The following ZSCAN25 variants were observed in gnomAD, a reference collection of about 807,000 sequenced individuals.
ZSCAN25 encodes zinc finger and SCAN domain-containing protein 25.
A neutral mutation model predicts 38.7 loss-of-function variants in ZSCAN25; 27 were observed. The observed-to-expected ratio is 0.70, with a 90% CI of 0.51 to 0.96. The LOEUF (loss-of-function observed/expected upper bound fraction) is 0.96, where lower values mean the gene tolerates loss of function less well. ZSCAN25 is among the 40% of genes least tolerant of loss of function. ZSCAN25 has a pLI of 0.00. For synonymous variants in ZSCAN25, 273 were observed against 277.7 expected, an observed-to-expected ratio of 0.98 and a Z score of 0.17; for missense variants, 637 against 705.9, an observed-to-expected ratio of 0.90 and a Z score of 1.11.
chr7:99,652,470 G>T, the ZSCAN25 span: 2 of 825,752 alleles, frequency 2.4e-6, no homozygotes, highest in Non-Finnish European at 3.8e-6. Context: ...ACAACCACAC[G>T]ATTGTCATGT....
Position 99,630,610 on chromosome 7 carries a change from C to T in ZSCAN25, c.*590C>T. ...CTGTGTGCCCGTGAGAACATCTTCC[C>T]ATGACCACTCCTGCCCTCCTGCCCC... On this transcript the variant is annotated 3_prime_UTR_variant, in exon 8 of 8. Coordinates refer to ENST00000394152, the MANE Select transcript of ZSCAN25 (RefSeq NM_145115.3). 1.0e-6 allele frequency: 1 copy of T among 986,248 alleles called. No homozygotes were observed. Among genetic ancestry groups the T allele is most frequent in the Non-Finnish European group, 1.2e-6 (1 of 830,626 alleles). The allele number at this position is 986,248 out of a possible 1,614,324, so 61.1% of individuals were successfully genotyped here. A position where few individuals can be genotyped will look rare whatever the true frequency, so the allele number is the denominator to read the frequency against.
chr7:99,689,808 A>G, the ZSCAN25 span, among the ~76,000 whole-genome samples: 1 of 152,352 alleles, frequency 6.6e-6, no homozygotes, highest in South Asian at 2.1e-4. Flanking sequence ...GAGGATACAA[A>G]CAAATGGAAG....
downstream of ZSCAN25, among the ~76,000 whole-genome samples, chr7:99,636,885 T>G (rs535305498): frequency 1.3e-5 from 2 of 152,362 alleles, no homozygotes; most frequent in South Asian, 4.1e-4. Context: ...ATCTGTAGGT[T>G]CTTTGTCCTC....
At chr7:99,627,906 G>C (rs1197127403) in intron 7 of ZSCAN25, among the ~76,000 whole-genome samples, 1 of 151,920 alleles carries the variant, frequency 6.6e-6, no homozygotes. Flanking sequence ...CTAGGGACTG[G>C]TTATGTTCTG....
At chr7:99,675,974 C>T in the ZSCAN25 span, 1 of 681,488 alleles carries the variant, frequency 1.5e-6, no homozygotes, top group Admixed American at 2.6e-5. Context: ...AGATTACAGG[C>T]ATGATCCACT....
At chr7:99,670,947 A>C in the ZSCAN25 span, 7 of 152,182 alleles carry the variant, frequency 4.6e-5, no homozygotes, top group East Asian at 1.3e-3. Flanking sequence ...AAAGTAGTGA[A>C]GTTTAGCTAG....
the ZSCAN25 span, among the ~76,000 whole-genome samples, chr7:99,645,611 C>T: frequency 2.6e-5 from 4 of 152,074 alleles, no homozygotes; most frequent in South Asian, 8.3e-4. Context: ...AACCTTGCCA[C>T]ACCTGTTATT....
chr7:99,650,283 A>G, the ZSCAN25 span: 6 of 1,571,548 alleles, frequency 3.8e-6, no homozygotes, highest in African/African-American at 6.8e-5. Context: ...AAAACCACAG[A>G]GTTACATGTT....
At chr7:99,714,532 C>T in the ZSCAN25 span, 1 of 1,611,376 alleles carries the variant, frequency 6.2e-7, no homozygotes, top group Non-Finnish European at 8.5e-7. Context: ...AAACATCCTC[C>T]TATAACTACC....
chr7:99,663,702 G>C, the ZSCAN25 span: 1 of 1,068,256 alleles, frequency 9.4e-7, no homozygotes, highest in Non-Finnish European at 1.1e-6. Flanking sequence ...AAAGGGAAGA[G>C]AAGTGGTAAA....
the ZSCAN25 span, among the ~76,000 whole-genome samples, chr7:99,698,070 T>C: frequency 0.75 from 113,894 of 152,084 alleles, 46,262 homozygotes; most frequent in Non-Finnish European, 0.91. Context: ...AGTTTCTTTC[T>C]AGCTCCCCTC....
chr7:99,701,821 G>A, the ZSCAN25 span, among the ~76,000 whole-genome samples: 1 of 152,110 alleles, frequency 6.6e-6, no homozygotes, highest in Non-Finnish European at 1.5e-5. Flanking sequence ...AGAGTTGTTT[G>A]TGCTCTGTGT....
the ZSCAN25 span, chr7:99,660,650 T>G: frequency 6.2e-7 from 1 of 1,613,784 alleles, no homozygotes; most frequent in Non-Finnish European, 8.5e-7. Context: ...GAGCTCCAGA[T>G]CAGACAGAGC....
chr7:99,630,407 CAG>C lies in ZSCAN25; in HGVS notation c.*389_*390del. 1.9e-6 allele frequency: 2 copies of C among 1,026,614 alleles called. No homozygotes were observed. Among genetic ancestry groups the C allele is most frequent in the South Asian group, 8.5e-5 (2 of 23,502 alleles). The allele number at this position is 1,026,614 out of a possible 1,614,324, so 63.6% of individuals were successfully genotyped here. A position where few individuals can be genotyped will look rare whatever the true frequency, so the allele number is the denominator to read the frequency against. The stretch of plus-strand genomic sequence containing the variant: ...CTGTCTTGCCTGCAGGGTCATAGCT[CAG>C]ACTCTTCCCCCACCCCCTCTCTTTT... On this transcript the variant is annotated 3_prime_UTR_variant, in exon 8 of 8. Transcript: ENST00000394152.
At chr7:99,622,480 T>C (rs1807063808) in intron 5 of ZSCAN25, 69 bp from the exon 6 acceptor site, 2 of 1,470,338 alleles carry the variant, frequency 1.4e-6, no homozygotes. Flanking sequence ...AGGGGACACA[T>C]TTGAACGAGC....
At chr7:99,707,868 G>A in the ZSCAN25 span, 3 of 1,614,046 alleles carry the variant, frequency 1.9e-6, no homozygotes, top group Non-Finnish European at 2.5e-6. Context: ...ACTAGAGCAA[G>A]TTTCATGTTC....
At chr7:99,643,984 T>C in the ZSCAN25 span, among the ~76,000 whole-genome samples, 56 of 152,182 alleles carry the variant, frequency 3.7e-4, no homozygotes, top group African/African-American at 1.2e-3. Flanking sequence ...CCTGGGGCTC[T>C]GACAAGCACA....
At chr7:99,636,493 A>G (rs1301773447), downstream of ZSCAN25, among the ~76,000 whole-genome samples, 4 of 152,326 alleles carry the variant, frequency 2.6e-5, no homozygotes, top group East Asian at 3.9e-4. Context: ...TAAAAGCTCC[A>G]TTATACAATA....
At chr7:99,689,869 A>G in the ZSCAN25 span, among the ~76,000 whole-genome samples, 1 of 152,238 alleles carries the variant, frequency 6.6e-6, no homozygotes, top group African/African-American at 2.4e-5. Flanking sequence ...AAATGGCCAT[A>G]CTGCCCAAGG....
Sources: allele counts gnomAD v4.1 joint callset (sites outside exome capture counted in the v4.1 genomes callset), GRCh38; gene constraint gnomAD v4.1.1; transcripts MANE v1.5; gene names NCBI Gene and HGNC (gene_info 2026-07-23, HGNC 2026-07-21).